Variants in DEPTOR observed in about 807,000 individuals in gnomAD.
DEPTOR encodes DEP domain-containing mTOR-interacting protein.
In DEPTOR, 41 loss-of-function variants were observed where a neutral mutation model predicts 41.6. The ratio of observed to expected loss-of-function variants is 0.98; its 90% CI spans 0.77 to 1.28. DEPTOR has a LOEUF of 1.28. DEPTOR is among the 50% of genes most tolerant of loss of function. The probability of loss-of-function intolerance (pLI) is 0.00; values close to 1 mark genes in which losing one functional copy is unlikely to be tolerated. For synonymous variants in DEPTOR, 195 were observed against 192.3 expected (o/e 1.01, Z -0.12); for missense variants, 514 against 527.9 (o/e 0.97, Z 0.26).
At chr8:119,911,790 C>A (rs10088028) in intron 1 of DEPTOR, among the ~76,000 whole-genome samples, 7,693 of 152,228 alleles carry the variant, frequency 0.051, 306 homozygotes, top group South Asian at 0.17. Flanking sequence ...ATGGACATGA[C>A]AGCTATGAAC....
intron 8 of DEPTOR, among the ~76,000 whole-genome samples, chr8:120,043,044 T>G (rs1813101929): frequency 1.3e-5 from 2 of 151,952 alleles, no homozygotes; most frequent in South Asian, 4.2e-4. Context: ...GGAGACTGGG[T>G]TTCACCATGT....
At chr8:120,010,614 T>C (rs1216531692) in intron 8 of DEPTOR, among the ~76,000 whole-genome samples, 2 of 19,876 alleles carry the variant, frequency 1.0e-4, no homozygotes, top group Admixed American at 6.3e-4. Context: ...CAAGACTCTG[T>C]CTCAAAAAAA....
At chr8:120,029,071 CT>C (rs1812845938) in intron 8 of DEPTOR, among the ~76,000 whole-genome samples, 1 of 57,968 alleles carries the variant, frequency 1.7e-5, no homozygotes, top group African/African-American at 7.6e-5. Flanking sequence ...AAAACTCCAT[CT>C]AAAAAAAAAA....
At chr8:119,923,835 CT>C (rs1053261506) in intron 1 of DEPTOR, among the ~76,000 whole-genome samples, 3 of 150,246 alleles carry the variant, frequency 2.0e-5, no homozygotes, top group African/African-American at 4.9e-5. Context: ...TTCTTCTTAT[CT>C]ACTGAATGCT....
intron 3 of DEPTOR, among the ~76,000 whole-genome samples, chr8:119,956,391 T>TGCC (rs1421232706): frequency 6.6e-6 from 1 of 152,238 alleles, no homozygotes; most frequent in African/African-American, 2.4e-5. Flanking sequence ...CAGGCAGGCA[T>TGCC]GCCAGCTGGC....
intron 3 of DEPTOR, among the ~76,000 whole-genome samples, chr8:119,932,440 T>A (rs1049713506): frequency 6.8e-4 from 104 of 152,318 alleles, no homozygotes; most frequent in African/African-American, 2.4e-3. Flanking sequence ...GTTGCTCACA[T>A]CTTCTAGAAA....
chr8:119,955,574 C>T lies in DEPTOR; in HGVS notation c.426-9658C>T, dbSNP rs147819882. ...CTCTCCCTCCTGAGTTCAAGCGATT[C>T]TCCTGCCTCAGCCTCCCAAGTAGCT... On this transcript the variant is annotated intron_variant, in intron 3 of 8. Coordinates refer to ENST00000286234, the MANE Select transcript of DEPTOR (RefSeq NM_022783.4). Among the ~76,000 whole-genome samples the T allele has an allele frequency of 2.4e-3, 369 of 151,836 alleles. 1 individual carries two copies. Among genetic ancestry groups the T allele is most frequent in the African/African-American group, 8.6e-3 (355 of 41,426 alleles).
At chr8:120,017,577 A>C in intron 8 of DEPTOR, among the ~76,000 whole-genome samples, 1 of 152,284 alleles carries the variant, frequency 6.6e-6, no homozygotes, top group East Asian at 1.9e-4. Flanking sequence ...AATAATTTTC[A>C]TTCTTGGCAT....
At chr8:119,910,330 G>C (rs1199243154) in intron 1 of DEPTOR, among the ~76,000 whole-genome samples, 1 of 152,186 alleles carries the variant, frequency 6.6e-6, no homozygotes, top group Non-Finnish European at 1.5e-5. Flanking sequence ...ATTTTCCTGA[G>C]GGTGGTCAGA....
intron 3 of DEPTOR, among the ~76,000 whole-genome samples, chr8:119,935,630 A>C (rs531610631): frequency 8.5e-4 from 130 of 152,142 alleles, no homozygotes; most frequent in Non-Finnish European, 1.5e-3. Context: ...CTGAGACAGA[A>C]AAATTGCTTG....
intron 4 of DEPTOR, among the ~76,000 whole-genome samples, chr8:119,973,271 G>A (rs1460022058): frequency 6.6e-6 from 1 of 151,880 alleles, no homozygotes; most frequent in Non-Finnish European, 1.5e-5. Flanking sequence ...TTTTTGCTCT[G>A]TTGACCAGGC....
intron 3 of DEPTOR, among the ~76,000 whole-genome samples, chr8:119,953,512 A>AT (rs910695557): frequency 1.6e-4 from 25 of 151,804 alleles, no homozygotes; most frequent in Admixed American, 1.4e-3. Context: ...AATCACTTGA[A>AT]TCCAGGAGGT....
intron 8 of DEPTOR, among the ~76,000 whole-genome samples, chr8:120,032,211 CTTTT>C (rs60003356): frequency 0.59 from 72,009 of 121,744 alleles, 18,344 homozygotes; most frequent in Admixed American, 0.68. Flanking sequence ...CACTAACTTT[CTTTT>C]TTTTTTTTTT....
At chr8:119,988,455 C>T (rs797016166) in intron 4 of DEPTOR, among the ~76,000 whole-genome samples, 48 of 152,034 alleles carry the variant, frequency 3.2e-4, no homozygotes, top group African/African-American at 1.1e-3. Context: ...TGTTCCTGTT[C>T]GGCCATCTTG....
At chr8:120,044,239 C>T (rs10095170) in intron 8 of DEPTOR, among the ~76,000 whole-genome samples, 8,786 of 151,858 alleles carry the variant, frequency 0.058, 503 homozygotes, top group South Asian at 0.2. Flanking sequence ...GATTCTCCTG[C>T]CTCAGCCTCG....
intron 1 of DEPTOR, among the ~76,000 whole-genome samples, chr8:119,883,473 T>TAAAAAAA (rs386413817): frequency 3.4e-4 from 38 of 112,082 alleles, no homozygotes; most frequent in East Asian, 5.0e-4. Flanking sequence ...AGACTCGTCT[T>TAAAAAAA]AAAAAAAAAA....
rs747432239 is a variant in DEPTOR at position 120,049,684 on chromosome 8, A to G, written c.1210A>G (p.Met404Val). The part of the protein sequence containing the change: ...TGPRTIVMEV[M>V]EELEC Reference sequence around the variant, plus strand: ...CCCACGGACGATTGTCATGGAAGTCATGGAGGAGTTAGAGTGCTGAGCTCC... The same window carrying G: ...CCCACGGACGATTGTCATGGAAGTCGTGGAGGAGTTAGAGTGCTGAGCTCC... Residue 404 changes from methionine (M) to valine (V), a missense_variant, in exon 9 of 9, where the codon ATG (methionine) becomes GTG (valine). Transcript: ENST00000286234. The G allele has an allele frequency of 2.1e-5, 34 of 1,613,870 alleles. No homozygotes were observed. Among genetic ancestry groups the G allele is most frequent in the Non-Finnish European group, 2.7e-5 (32 of 1,179,910 alleles).
rs531688339 is a variant in DEPTOR, at chr8:119,879,970, C to T, written c.122+6002C>T. ...CAGCCTGGCCAAGATGGTGAAACCT[C>T]GTCTCTACTAAAAATACAAAAATTA... is the stretch of plus-strand genomic sequence containing the variant. On this transcript the variant is annotated intron_variant, in intron 1 of 8. Coordinates refer to ENST00000286234, the MANE Select transcript of DEPTOR (RefSeq NM_022783.4). Among the ~76,000 whole-genome samples, 9 of 151,998 alleles carry T rather than the reference C, an allele frequency of 5.9e-5. No individual in the cohort carries two copies. In the South Asian group the frequency reaches 1.7e-3, roughly 28 times the overall value.
At chr8:119,937,264 G>C (rs1828126056) in intron 3 of DEPTOR, among the ~76,000 whole-genome samples, 1 of 151,988 alleles carries the variant, frequency 6.6e-6, no homozygotes, top group South Asian at 2.1e-4. Context: ...GCCAGGCGTG[G>C]TGATGGGTGC....
Sources: gnomAD v4.1 joint callset for allele counts (sites outside exome capture counted in the v4.1 genomes callset) on GRCh38, gnomAD v4.1.1 for gene constraint, MANE v1.5 for transcripts, NCBI Gene and HGNC (gene_info 2026-07-23, HGNC 2026-07-21) for gene names.